Variants in EHF observed in about 807,000 individuals in gnomAD.
The protein encoded by EHF is ESE3 transcription factor.
In EHF, 14 loss-of-function variants were observed where a neutral mutation model predicts 45.1. The ratio of observed to expected loss-of-function variants is 0.31; its 90% CI spans 0.21 to 0.49. The LOEUF (loss-of-function observed/expected upper bound fraction) is 0.49. Among genes scored for constraint, EHF ranks in the 20% least tolerant of loss-of-function variants. EHF has a pLI of 0.99. For synonymous variants in EHF, 136 were observed against 131.8 expected (o/e 1.03, Z -0.22); for missense variants, 282 against 371.4 (o/e 0.76, Z 1.98).
intron 6 of EHF, among the ~76,000 whole-genome samples, 161 bp from the exon 7 acceptor site, chr11:34,656,747 G>A (rs1255155056): frequency 1.3e-5 from 2 of 152,118 alleles, no homozygotes; most frequent in East Asian, 3.9e-4. Flanking sequence ...TTTCTCCATA[G>A]CATTTATCAT....
chr11:34,622,563 G>A, intron 1 of EHF: 1 of 288,016 alleles, frequency 3.5e-6, no homozygotes, highest in Middle Eastern at 4.3e-4. Flanking sequence ...TTCATGGCTA[G>A]GAGATACTAT....
intron 1 of EHF, among the ~76,000 whole-genome samples, chr11:34,623,067 C>T (rs1029435383): frequency 3.3e-5 from 5 of 152,048 alleles, no homozygotes; most frequent in Non-Finnish European, 5.9e-5. Flanking sequence ...TTAAAAAGCA[C>T]CTATTTGTTC....
chr11:34,623,274 C>T (rs138978733), intron 1 of EHF, among the ~76,000 whole-genome samples: 27 of 152,090 alleles, frequency 1.8e-4, no homozygotes, highest in African/African-American at 5.8e-4. Flanking sequence ...TTAGTAGAGA[C>T]GGGGTTTTAC....
intron 1 of EHF, 52 bp from the exon 2 acceptor site, chr11:34,642,576 T>G: frequency 9.2e-5 from 106 of 1,148,338 alleles, no homozygotes; most frequent in Non-Finnish European, 1.3e-4. Flanking sequence ...CACTTTCCAA[T>G]GACATTTGTC....
At chr11:34,625,625 A>C (rs1590399275) in intron 1 of EHF, among the ~76,000 whole-genome samples, 1 of 152,218 alleles carries the variant, frequency 6.6e-6, no homozygotes, top group African/African-American at 2.4e-5. Context: ...CAGAACTTGC[A>C]ACAGGGCCAA....
In EHF at chr11:34,662,437, G is replaced by C. The variant is rs1222465571; in HGVS notation, c.*3506G>C. 1.3e-5 allele frequency among the ~76,000 whole-genome samples: 2 copies of C among 152,058 alleles called. No individual in the cohort carries two copies. Among genetic ancestry groups the C allele is most frequent in the African/African-American group, 4.8e-5 (2 of 41,422 alleles). ...TCTGTTGCCTTATTGGGAACTGTGA[G>C]ACTTATCTGGTATGAGAAGCCAGTA... On this transcript the variant is annotated 3_prime_UTR_variant, in exon 9 of 9. Coordinates refer to ENST00000257831, the MANE Select transcript of EHF (RefSeq NM_012153.6).
In EHF at chr11:34,642,685, C is replaced by T. The variant is rs1218718216; in HGVS notation, c.55C>T (p.His19Tyr). The T allele has an allele frequency of 1.9e-6, 3 of 1,614,054 alleles. No homozygotes were observed. The highest frequency in any genetic ancestry group is 2.5e-6 in the Non-Finnish European group (3 of 1,179,966). The change falls in exon 2 of 9, where the codon CAC (histidine) becomes TAC (tyrosine). Residue 19 changes from histidine (H) to tyrosine (Y), a missense_variant. This residue lies in a region of EHF where 213 missense variants were observed against 247.3 expected (regional missense o/e 0.86). Coordinates refer to ENST00000257831, the MANE Select transcript of EHF (RefSeq NM_012153.6). ...TCTCAACCCCGGCAACAACCTCCTTCACCAGCCGCCAGCCTGGACAGACAG... is the reference window on the plus strand; with the variant it reads ...TCTCAACCCCGGCAACAACCTCCTTTACCAGCCGCCAGCCTGGACAGACAG... ...MNLNPGNNLL[H>Y]QPPAWTDSYS...
chr11:34,646,985 G>T, intron 3 of EHF: 2 of 390,764 alleles, frequency 5.1e-6, no homozygotes, highest in Non-Finnish European at 9.0e-6. Context: ...CTTGGAAAAT[G>T]TTTTCTTTCC....
intron 1 of EHF, among the ~76,000 whole-genome samples, chr11:34,625,379 A>G (rs1852285024): frequency 1.3e-5 from 2 of 152,224 alleles, no homozygotes; most frequent in Admixed American, 6.5e-5. Context: ...GGTGTCTTCT[A>G]TAAAACGCCA....
chr11:34,649,114 GC>G, intron 4 of EHF, 33 bp downstream of exon 4: 2 of 1,609,924 alleles, frequency 1.2e-6, no homozygotes, highest in Non-Finnish European at 1.7e-6. Context: ...AGCCAACCTA[GC>G]CTGGCAAAGC....
At chr11:34,648,907 C>G in intron 3 of EHF, 112 bp from the exon 4 acceptor site, 1 of 991,320 alleles carries the variant, frequency 1.0e-6, no homozygotes. Context: ...CATAGGTGAC[C>G]AGGCAGTAGG....
At chr11:34,652,502 C>T (rs1425307511) in intron 6 of EHF, among the ~76,000 whole-genome samples, 1 of 152,186 alleles carries the variant, frequency 6.6e-6, no homozygotes, top group Admixed American at 6.5e-5. Flanking sequence ...TTACCACCCC[C>T]ACCTACAAAT....
intron 1 of EHF, among the ~76,000 whole-genome samples, chr11:34,639,168 G>A (rs1327479455): frequency 6.6e-6 from 1 of 152,150 alleles, no homozygotes; most frequent in African/African-American, 2.4e-5. Context: ...CTGAAAGATG[G>A]GACCTAGAGT....
intron 4 of EHF, among the ~76,000 whole-genome samples, chr11:34,650,748 G>C (rs757752218): frequency 1.3e-5 from 2 of 152,198 alleles, no homozygotes; most frequent in Non-Finnish European, 2.9e-5. Context: ...AGCTCCATTT[G>C]GGGTAGGTGG....
At chr11:34,656,722 T>G (rs1373953039) in intron 6 of EHF, among the ~76,000 whole-genome samples, 186 bp from the exon 7 acceptor site, 3 of 152,208 alleles carry the variant, frequency 2.0e-5, no homozygotes, top group Non-Finnish European at 2.9e-5. Context: ...TCTCCATTTC[T>G]TAACCTGCAT....
chr11:34,624,297 G>A, intron 1 of EHF: 8 of 985,404 alleles, frequency 8.1e-6, no homozygotes, highest in Non-Finnish European at 9.6e-6. Context: ...ACCGAACGCG[G>A]CGCTGTGGCT....
chr11:34,621,566 A>T (rs1014162802), intron 1 of EHF, among the ~76,000 whole-genome samples: 4 of 152,210 alleles, frequency 2.6e-5, no homozygotes, highest in Middle Eastern at 3.2e-3. Flanking sequence ...AGCTAGAGAT[A>T]GGTGGCTCTG....
intron 1 of EHF, among the ~76,000 whole-genome samples, chr11:34,639,231 A>AT (rs139694403): frequency 0.17 from 25,198 of 150,200 alleles, 2,160 homozygotes; most frequent in East Asian, 0.37. Context: ...ATTTGATGGT[A>AT]TTTTTTTTTT....
At chr11:34,624,707 C>T (rs1286047405) in intron 1 of EHF, among the ~76,000 whole-genome samples, 1 of 152,122 alleles carries the variant, frequency 6.6e-6, no homozygotes, top group African/African-American at 2.4e-5. Flanking sequence ...GTAGAAATTT[C>T]CAGGGATCCC....
Sources: allele counts gnomAD v4.1 joint callset (sites outside exome capture counted in the v4.1 genomes callset), GRCh38; gene constraint gnomAD v4.1.1; regional missense constraint gnomAD v4.1.1; transcripts MANE v1.5; gene names NCBI Gene and HGNC (gene_info 2026-07-23, HGNC 2026-07-21).